Variants in LANCL3 observed in about 807,000 individuals in gnomAD.
LANCL3 encodes LanC like family member 3.
Under a neutral mutation model 26.5 loss-of-function variants are expected in LANCL3, and 19 were observed. The ratio of observed to expected loss-of-function variants is 0.72; its 90% confidence interval spans 0.50 to 1.05. The LOEUF is 1.05. Ranked by LOEUF, LANCL3 falls within the 50% of genes least tolerant of loss-of-function variation. The pLI is 0.00. For missense variants in LANCL3, 318 were observed against 362.7 expected (o/e 0.88, Z 1.00); for synonymous variants, 160 against 166.6 (o/e 0.96, Z 0.30).
intron 1 of LANCL3, among the ~76,000 whole-genome samples, chrX:37,596,664 G>C (rs1924437948): frequency 9.0e-6 from 1 of 111,719 alleles, no homozygotes; most frequent in African/African-American, 3.3e-5. Flanking sequence ...GCTTTCTTAA[G>C]TTTCATTTGG....
At chrX:37,654,789 A>C (rs1162686936) in intron 1 of LANCL3, among the ~76,000 whole-genome samples, 3 of 112,247 alleles carry the variant, frequency 2.7e-5, no homozygotes, top group Non-Finnish European at 3.8e-5. Flanking sequence ...GAGGTGCCAC[A>C]GTGTTTGCTC....
At chrX:37,580,672 T>C (rs782227988) in intron 1 of LANCL3, among the ~76,000 whole-genome samples, 1 of 111,294 alleles carries the variant, frequency 9.0e-6, no homozygotes, top group South Asian at 3.8e-4. Flanking sequence ...TGAAACTTTG[T>C]ACCCTTTTAC....
intron 1 of LANCL3, among the ~76,000 whole-genome samples, chrX:37,590,581 AT>A (rs1333996983): frequency 8.9e-6 from 1 of 112,166 alleles, no homozygotes; most frequent in Non-Finnish European, 1.9e-5. Context: ...TTATCACATA[AT>A]GCTTTTGATG....
intron 4 of LANCL3, among the ~76,000 whole-genome samples, chrX:37,668,788 A>G (rs990502448): frequency 5.4e-5 from 6 of 111,755 alleles, no homozygotes; most frequent in African/African-American, 2.0e-4. Flanking sequence ...ATAATTATCA[A>G]ATTGATTGTG....
intron 1 of LANCL3, among the ~76,000 whole-genome samples, chrX:37,624,190 G>C (rs1330714872): frequency 9.9e-5 from 11 of 111,643 alleles, no homozygotes; most frequent in Admixed American, 5.7e-4. Flanking sequence ...CTCTCTCAAC[G>C]GTGTATGAGA....
chrX:37,657,137 C>G (rs1926303199), intron 2 of LANCL3, among the ~76,000 whole-genome samples: 1 of 112,704 alleles, frequency 8.9e-6, no homozygotes, highest in South Asian at 3.6e-4. Context: ...CACCAACTCT[C>G]TGCTTTATTG....
At chrX:37,584,338 G>A (rs1482743913) in intron 1 of LANCL3, among the ~76,000 whole-genome samples, 1 of 108,163 alleles carries the variant, frequency 9.2e-6, no homozygotes, top group Admixed American at 9.6e-5. Flanking sequence ...CTCATAAAAT[G>A]AGTTAGGGAG....
chrX:37,629,942 G>C (rs1223929438), intron 1 of LANCL3, among the ~76,000 whole-genome samples: 1 of 110,802 alleles, frequency 9.0e-6, no homozygotes, highest in Non-Finnish European at 1.9e-5. Context: ...GCTCTTTTTT[G>C]GTTCCATATG....
At chrX:37,573,513 G>A (rs1313861518) in intron 1 of LANCL3, among the ~76,000 whole-genome samples, 1 of 111,479 alleles carries the variant, frequency 9.0e-6, no homozygotes, top group Non-Finnish European at 1.9e-5. Context: ...TGATTCAAGT[G>A]AGAAAAAAGA....
intron 1 of LANCL3, among the ~76,000 whole-genome samples, chrX:37,635,863 T>C (rs1486546007): frequency 1.8e-5 from 2 of 110,879 alleles, no homozygotes; most frequent in East Asian, 5.6e-4. Context: ...CATAGGTAAA[T>C]TGTGTGTCAC....
At chrX:37,613,364 G>T (rs909919221) in intron 1 of LANCL3, among the ~76,000 whole-genome samples, 1 of 111,142 alleles carries the variant, frequency 9.0e-6, no homozygotes, top group East Asian at 2.8e-4. Flanking sequence ...TATTGGATGA[G>T]TTATAATAGT....
rs782634546 is a variant in LANCL3, at chrX:37,572,190, A to C, written c.320A>C (p.Glu107Ala). The change falls in exon 1 of 5, where the codon GAG (glutamate) becomes GCG (alanine). Residue 107 changes from glutamate to alanine, a missense_variant. Glu to Ala is a moderately radical substitution (Grantham distance 107). Transcript: ENST00000378619. Reference sequence around the variant, plus strand: ...CTCATCGACGCGTGCGCCCGCGCTGAGGAGTGGGGCGAACCGGACGCCGAC... The same window carrying C: ...CTCATCGACGCGTGCGCCCGCGCTGCGGAGTGGGGCGAACCGGACGCCGAC... The part of the protein sequence containing the change: ...KRLIDACARA[E>A]EWGEPDADTR... 11 of 1,176,342 alleles carry C rather than the reference A, an allele frequency of 9.4e-6. 1 individual carries two copies. In the South Asian group the frequency reaches 1.9e-4, roughly 20 times the overall value.
rs1569471627 is a variant in LANCL3 at position 37,678,338 on chromosome X, C to T, written c.*2525C>T. The stretch of plus-strand genomic sequence containing the variant: ...TCTTATTTAATTATCCAACTTGCCC[C>T]CCTTCTCTGTGGTAGCATTTTTAAT... On this transcript the variant is annotated 3_prime_UTR_variant, in exon 5 of 5. Transcript: ENST00000378619. 9.1e-6 allele frequency: 1 copy of T among 109,692 alleles called. No homozygotes were observed. Among genetic ancestry groups the T allele is most frequent in the Non-Finnish European group, 1.9e-5 (1 of 52,337 alleles). The allele number at this position is 109,692 out of a possible 1,213,427, so 9.0% of individuals were successfully genotyped here.
At chrX:37,613,172 A>AT (rs1924925871) in intron 1 of LANCL3, among the ~76,000 whole-genome samples, 1 of 108,451 alleles carries the variant, frequency 9.2e-6, no homozygotes, top group Admixed American at 1.0e-4. Flanking sequence ...ACCCTGCTTG[A>AT]TTTTTCTTTA....
chrX:37,628,824 C>T (rs1481344192), intron 1 of LANCL3, among the ~76,000 whole-genome samples: 1 of 110,013 alleles, frequency 9.1e-6, no homozygotes, highest in Non-Finnish European at 1.9e-5. Flanking sequence ...ATATGTACCA[C>T]ATTTTCTTAA....
chrX:37,642,784 C>A (rs1440565225), intron 1 of LANCL3, among the ~76,000 whole-genome samples: 1 of 111,630 alleles, frequency 9.0e-6, no homozygotes, highest in Non-Finnish European at 1.9e-5. Context: ...ACACAATTGC[C>A]AGCCTAATAA....
At chrX:37,636,368 A>G (rs782710438) in intron 1 of LANCL3, among the ~76,000 whole-genome samples, 1 of 112,265 alleles carries the variant, frequency 8.9e-6, no homozygotes, top group East Asian at 2.8e-4. Flanking sequence ...GTTCGTTTTA[A>G]GTTCTCTGAG....
chrX:37,589,773 A>C (rs1924219808), intron 1 of LANCL3, among the ~76,000 whole-genome samples: 2 of 111,467 alleles, frequency 1.8e-5, no homozygotes, highest in Non-Finnish European at 3.8e-5. Flanking sequence ...AATCTGTCTT[A>C]TATTCCCTGT....
intron 1 of LANCL3, among the ~76,000 whole-genome samples, chrX:37,584,166 GC>G (rs1461717415): frequency 9.0e-6 from 1 of 111,430 alleles, no homozygotes; most frequent in Non-Finnish European, 1.9e-5. Context: ...CAGGGATGAA[GC>G]CCACTTGATC....
Sources: gnomAD v4.1 joint callset for allele counts (sites outside exome capture counted in the v4.1 genomes callset) on GRCh38, gnomAD v4.1.1 for gene constraint, MANE v1.5 for transcripts, NCBI Gene and HGNC (gene_info 2026-07-23, HGNC 2026-07-21) for gene names.